Variants in SV2C observed in about 807,000 individuals in gnomAD.
SV2C encodes solute carrier family 22 member B3.
In SV2C, 49 loss-of-function variants were observed where a neutral mutation model predicts 79.7. The ratio of observed to expected loss-of-function variants is 0.61; its 90% CI spans 0.49 to 0.78. SV2C has a LOEUF of 0.78. SV2C is among the 30% of genes least tolerant of loss of function. SV2C has a pLI of 0.00. For missense variants in SV2C, 833 were observed against 912.9 expected, an observed-to-expected ratio of 0.91 and a Z score of 1.13; for synonymous variants, 334 against 333.2, an observed-to-expected ratio of 1.00 and a Z score of -0.03.
chr5:75,949,625 G>C, the SV2C span, among the ~76,000 whole-genome samples: 1 of 151,956 alleles, frequency 6.6e-6, no homozygotes, highest in African/African-American at 2.4e-5. Context: ...CAGATCTGAT[G>C]ATTTTATAAG....
the SV2C span, among the ~76,000 whole-genome samples, chr5:75,975,807 T>G: frequency 0.033 from 4,973 of 152,254 alleles, 231 homozygotes; most frequent in African/African-American, 0.1. Flanking sequence ...CACAGTGACA[T>G]AAACTTAGAA....
the SV2C span, among the ~76,000 whole-genome samples, chr5:75,941,131 G>C: frequency 6.6e-5 from 10 of 152,088 alleles, no homozygotes; most frequent in African/African-American, 2.4e-4. Flanking sequence ...TTTGAACCCA[G>C]AGAACCTTTC....
At chr5:76,293,776 G>T (rs998670638) in intron 8 of SV2C, among the ~76,000 whole-genome samples, 1 of 152,142 alleles carries the variant, frequency 6.6e-6, no homozygotes, top group African/African-American at 2.4e-5. Flanking sequence ...CTTTCTATGT[G>T]CTAGGTACTT....
chr5:76,238,528 A>G (rs990273619), intron 4 of SV2C, among the ~76,000 whole-genome samples: 1 of 152,096 alleles, frequency 6.6e-6, no homozygotes, highest in Non-Finnish European at 1.5e-5. Flanking sequence ...AGTACCTGAA[A>G]GTCTTCAGTT....
chr5:76,201,040 C>G (rs1274899562), intron 3 of SV2C, among the ~76,000 whole-genome samples: 1 of 152,170 alleles, frequency 6.6e-6, no homozygotes, highest in Non-Finnish European at 1.5e-5. Flanking sequence ...ATGAGCATAT[C>G]TTCTTAGAAA....
chr5:76,048,959 G>GAA, the SV2C span, among the ~76,000 whole-genome samples: 7 of 119,174 alleles, frequency 5.9e-5, no homozygotes, highest in African/African-American at 2.3e-4. Context: ...GAGAGAGAAA[G>GAA]AAAAAGAGAA....
intron 1 of SV2C, 33 bp downstream of exon 1, chr5:76,083,545 G>C (rs1270873439): frequency 6.6e-6 from 1 of 152,378 alleles, no homozygotes; most frequent in Non-Finnish European, 1.5e-5. Context: ...GCATCCGCGG[G>C]GAGACTTTCC....
At chr5:75,900,460 T>A in the SV2C span, among the ~76,000 whole-genome samples, 1 of 152,226 alleles carries the variant, frequency 6.6e-6, no homozygotes, top group African/African-American at 2.4e-5. Flanking sequence ...CTTCCCTTTG[T>A]GGGTAACCCG....
At chr5:76,121,031 T>G (rs1453118275) in intron 1 of SV2C, among the ~76,000 whole-genome samples, 1 of 150,822 alleles carries the variant, frequency 6.6e-6, no homozygotes, top group East Asian at 1.9e-4. Flanking sequence ...CAGCACCTGT[T>G]GTTTCCTGAC....
At chr5:76,047,280 C>T in the SV2C span, among the ~76,000 whole-genome samples, 1 of 152,204 alleles carries the variant, frequency 6.6e-6, no homozygotes, top group South Asian at 2.1e-4. Flanking sequence ...TCAAGAGTAA[C>T]CCATGATTCG....
rs1019058153 is a variant in SV2C, at chr5:76,184,810, C to T, written c.581-10109C>T. The stretch of plus-strand genomic sequence containing the variant: ...GGACACAGAGCCAAAGCATATCATT[C>T]TACCCCAAGCCCCTCCCAGATCTCA... On this transcript the variant is annotated intron_variant, in intron 2 of 12. Coordinates refer to ENST00000502798, the MANE Select transcript of SV2C (RefSeq NM_014979.4). Among the ~76,000 whole-genome samples, 6 of 152,178 alleles carry T rather than the reference C, an allele frequency of 3.9e-5. No homozygotes were observed. The East Asian group carries it at 9.6e-4, about 24-fold the overall frequency.
the SV2C span, among the ~76,000 whole-genome samples, chr5:76,030,281 TTTTTTTTTTTTA>T: frequency 1.8e-5 from 2 of 113,370 alleles, no homozygotes; most frequent in Admixed American, 8.6e-5. Flanking sequence ...TTTTTTTTTT[TTTTTTTTTTTTA>T]TTTATTCCTG....
At chr5:75,852,847 A>G in the SV2C span, among the ~76,000 whole-genome samples, 53 of 131,722 alleles carry the variant, frequency 4.0e-4, no homozygotes, top group African/African-American at 1.8e-3. Context: ...AAAAAAAGAA[A>G]AAAGAAAAAA....
the SV2C span, among the ~76,000 whole-genome samples, chr5:75,907,469 G>A: frequency 1.1e-3 from 172 of 152,234 alleles, no homozygotes; most frequent in Admixed American, 8.1e-3. Flanking sequence ...ATGGAGCAGC[G>A]CGGTGGGATG....
chr5:76,102,571 G>A (rs761630450), intron 1 of SV2C, among the ~76,000 whole-genome samples: 3 of 152,182 alleles, frequency 2.0e-5, no homozygotes, highest in Non-Finnish European at 4.4e-5. Flanking sequence ...TAGAGGGAAT[G>A]AATCAGCATT....
chr5:76,219,952 G>A (rs1471058490), intron 4 of SV2C, among the ~76,000 whole-genome samples: 1 of 152,158 alleles, frequency 6.6e-6, no homozygotes, highest in East Asian at 1.9e-4. Context: ...GTTATCTTAG[G>A]CACCTGATCT....
At position 76,194,915 on chromosome 5, in the gene SV2C, G is replaced by T. The variant is rs1561258946; in HGVS notation, c.581-4G>T. 1 of 1,613,454 alleles carries T rather than the reference G, an allele frequency of 6.2e-7. No homozygotes were observed. Among genetic ancestry groups the T allele is most frequent in the Non-Finnish European group, 8.5e-7 (1 of 1,179,704 alleles). On this transcript the variant is annotated splice_polypyrimidine_tract_variant and splice_region_variant and intron_variant, in intron 2 of 12. Coordinates refer to ENST00000502798, the MANE Select transcript of SV2C (RefSeq NM_014979.4). ...TGTGTTTCTTTGTTTTCTGTGTGTT[G>T]CAGGCAGCATAGTGTACCTCGGGAT...
At chr5:76,210,461 AG>A (rs1006957529) in intron 4 of SV2C, among the ~76,000 whole-genome samples, 2 of 152,224 alleles carry the variant, frequency 1.3e-5, no homozygotes, top group African/African-American at 4.8e-5. Flanking sequence ...GATATGGCAA[AG>A]GATGTAGATG....
At chr5:76,114,478 A>G (rs1223146467) in intron 1 of SV2C, among the ~76,000 whole-genome samples, 15 of 152,216 alleles carry the variant, frequency 9.9e-5, no homozygotes, top group Admixed American at 4.6e-4. Flanking sequence ...GTTGACATCT[A>G]TGAGAGTTTC....
Sources: gnomAD v4.1 joint callset for allele counts (sites outside exome capture counted in the v4.1 genomes callset) on GRCh38, gnomAD v4.1.1 for gene constraint, MANE v1.5 for transcripts, NCBI Gene and HGNC (gene_info 2026-07-23, HGNC 2026-07-21) for gene names.